EYA3: variants seen among roughly 807,000 people sequenced by gnomAD.
EYA3 encodes protein phosphatase EYA3.
In EYA3, 39 loss-of-function variants were observed where a neutral mutation model predicts 80.0. The ratio of observed to expected loss-of-function variants is 0.49; its 90% CI spans 0.38 to 0.64. The LOEUF (loss-of-function observed/expected upper bound fraction) is 0.64, where lower values mean the gene tolerates loss of function less well. Among genes scored for constraint, EYA3 ranks in the 30% least tolerant of loss-of-function variants. The probability of loss-of-function intolerance (pLI) is 0.00; values close to 1 mark genes in which losing one functional copy is unlikely to be tolerated. For missense variants in EYA3, 523 were observed against 676.1 expected (o/e 0.77, Z 2.51); for synonymous variants, 206 against 232.8 (o/e 0.88, Z 1.05).
At chr1:28,067,391 A>T (rs1387438830) in intron 1 of EYA3, among the ~76,000 whole-genome samples, 1 of 152,242 alleles carries the variant, frequency 6.6e-6, no homozygotes, top group Non-Finnish European at 1.5e-5. Flanking sequence ...ATATAATTTG[A>T]TAAGAATCAA....
intron 6 of EYA3, among the ~76,000 whole-genome samples, chr1:28,030,073 T>C (rs553937028): frequency 1.3e-5 from 2 of 152,186 alleles, no homozygotes; most frequent in Non-Finnish European, 2.9e-5. Flanking sequence ...TCTCATTTAT[T>C]TGCTCCTACT....
At chr1:28,017,287 G>T in intron 7 of EYA3, 48 bp from the exon 8 acceptor site, 3 of 1,402,390 alleles carry the variant, frequency 2.1e-6, no homozygotes, top group Non-Finnish European at 3.0e-6. Flanking sequence ...TATGTAAAAG[G>T]TTAGAAGAAA....
chr1:27,991,222 G>A (rs1309422552), intron 14 of EYA3, among the ~76,000 whole-genome samples: 3 of 152,096 alleles, frequency 2.0e-5, no homozygotes, highest in African/African-American at 7.2e-5. Context: ...GAAAAAAAGG[G>A]CCCTAAGATT....
intron 1 of EYA3, among the ~76,000 whole-genome samples, chr1:28,073,127 A>ATATATTTTTTTT (rs1553157671): frequency 2.0e-4 from 3 of 15,002 alleles, no homozygotes; most frequent in Non-Finnish European, 3.4e-4. Context: ...ATATATATAT[A>ATATATTTTTTTT]TTTTTTTTTT....
intron 1 of EYA3, among the ~76,000 whole-genome samples, chr1:28,080,803 T>C (rs750257397): frequency 1.3e-5 from 2 of 152,142 alleles, no homozygotes; most frequent in Non-Finnish European, 2.9e-5. Context: ...CAGGCTGGAG[T>C]GCAATAGCGT....
chr1:27,979,729 C>G (rs1182298164), intron 16 of EYA3, among the ~76,000 whole-genome samples: 1 of 152,110 alleles, frequency 6.6e-6, no homozygotes, highest in Non-Finnish European at 1.5e-5. Context: ...TGTTCTTTCC[C>G]CTTGCCCAAC....
At chr1:28,003,674 T>C (rs973510536) in intron 11 of EYA3, among the ~76,000 whole-genome samples, 1 of 152,160 alleles carries the variant, frequency 6.6e-6, no homozygotes, top group African/African-American at 2.4e-5. Flanking sequence ...TCCTGAGTAG[T>C]TGAGACTACA....
intron 10 of EYA3, among the ~76,000 whole-genome samples, chr1:28,007,802 A>T (rs1472501038): frequency 6.6e-6 from 1 of 152,236 alleles, no homozygotes; most frequent in African/African-American, 2.4e-5. Flanking sequence ...AATATTGTAA[A>T]GAAGACAATA....
Position 27,978,372 on chromosome 1 carries a change from A to C in EYA3, c.1641+2T>G. The stretch of plus-strand genomic sequence containing the variant: ...TAGACTATTTTTCTTTACCATGGTT[A>C]CCTGTTTGGCTGCAATTTCTTCATC... On this transcript the variant is annotated splice_donor_variant, in intron 17 of 17. Transcript: ENST00000373871. LOFTEE classifies it high-confidence loss of function. 6.2e-7 allele frequency: 1 copy of C among 1,611,124 alleles called. No homozygotes were observed. The highest frequency in any genetic ancestry group is 8.5e-7 in the Non-Finnish European group (1 of 1,177,308).
intron 7 of EYA3, among the ~76,000 whole-genome samples, chr1:28,022,371 A>G (rs1029137324): frequency 2.6e-5 from 4 of 151,690 alleles, no homozygotes; most frequent in African/African-American, 9.7e-5. Context: ...GATGGTCTCG[A>G]TCTCCTGACC....
chr1:27,992,211 C>T (rs1640117245), intron 14 of EYA3, among the ~76,000 whole-genome samples: 1 of 152,052 alleles, frequency 6.6e-6, no homozygotes, highest in East Asian at 1.9e-4. Flanking sequence ...GCCAGCAGTC[C>T]TCAACCTTTT....
At chr1:28,000,469 C>T (rs1006151622) in intron 11 of EYA3, among the ~76,000 whole-genome samples, 3 of 151,986 alleles carry the variant, frequency 2.0e-5, no homozygotes, top group Non-Finnish European at 2.9e-5. Context: ...TCCGCCACCA[C>T]GCCTGGCTAA....
chr1:27,978,241 A>C, intron 17 of EYA3, 133 bp downstream of exon 17: 1 of 645,980 alleles, frequency 1.5e-6, no homozygotes, highest in Non-Finnish European at 2.6e-6. Context: ...CTTTTTCTTT[A>C]AAGAAAAATG....
At position 27,974,148 on chromosome 1, in the gene EYA3, C is replaced by G. The variant is rs111578168; in HGVS notation, c.*318G>C. The G allele has an allele frequency of 2.2e-5, 4 of 182,412 alleles. No individual in the cohort carries two copies. The highest frequency in any genetic ancestry group is 4.7e-5 in the African/African-American group (2 of 42,832). The allele number at this position is 182,412 out of a possible 1,614,324, so 11.3% of individuals were successfully genotyped here. Reference sequence around the variant, plus strand: ...CAGTGAGTCCATTGTTCTCTCTATCCAACTGTCCCTGCTTCTGTATGGAGA... The same window carrying G: ...CAGTGAGTCCATTGTTCTCTCTATCGAACTGTCCCTGCTTCTGTATGGAGA... On this transcript the variant is annotated 3_prime_UTR_variant, in exon 18 of 18. Transcript: ENST00000373871.
intron 14 of EYA3, among the ~76,000 whole-genome samples, chr1:27,991,110 T>G (rs1057373570): frequency 6.6e-6 from 1 of 152,182 alleles, no homozygotes. Flanking sequence ...TGAATTGCAC[T>G]GCTTAGAACA....
chr1:28,000,873 G>A (rs1640786265), intron 11 of EYA3, among the ~76,000 whole-genome samples: 1 of 152,092 alleles, frequency 6.6e-6, no homozygotes, highest in African/African-American at 2.4e-5. Flanking sequence ...GACTAGCCTG[G>A]GCAACATGGT....
intron 1 of EYA3, among the ~76,000 whole-genome samples, chr1:28,061,778 T>C (rs2148907031): frequency 6.6e-6 from 1 of 152,248 alleles, no homozygotes; most frequent in East Asian, 1.9e-4. Flanking sequence ...TTTTTGTATT[T>C]TTAGTAGAGA....
Position 28,011,097 on chromosome 1 carries a change from A to G in EYA3, c.770-11T>C, listed in dbSNP as rs1169363712. ...TTGTAGAAGGGTCTCCTGGAAAGAAAAAGTGAAACATATGTTGTCAGGAGT... is the reference window on the plus strand; with the variant it reads ...TTGTAGAAGGGTCTCCTGGAAAGAAGAAGTGAAACATATGTTGTCAGGAGT... On this transcript the variant is annotated splice_polypyrimidine_tract_variant and intron_variant, in intron 9 of 17. Transcript: ENST00000373871. 6.2e-7 allele frequency: 1 copy of G among 1,610,630 alleles called. No individual in the cohort carries two copies. Among genetic ancestry groups the G allele is most frequent in the Non-Finnish European group, 8.5e-7 (1 of 1,178,898 alleles).
chr1:28,043,883 T>C (rs1318465543), intron 3 of EYA3, among the ~76,000 whole-genome samples: 1 of 152,118 alleles, frequency 6.6e-6, no homozygotes, highest in Non-Finnish European at 1.5e-5. Flanking sequence ...ATTATACGTT[T>C]GTTTCCAAGC....
Sources: gnomAD v4.1 joint callset for allele counts (sites outside exome capture counted in the v4.1 genomes callset) on GRCh38, gnomAD v4.1.1 for gene constraint, MANE v1.5 for transcripts, NCBI Gene and HGNC (gene_info 2026-07-23, HGNC 2026-07-21) for gene names.